The following BUB1 variants were observed in gnomAD, a reference collection of about 807,000 sequenced individuals.
BUB1 encodes BUB1 mitotic checkpoint serine/threonine kinase.
Under a neutral mutation model 135.2 loss-of-function variants are expected in BUB1, and 84 were observed. That is an observed-to-expected ratio of 0.62 (90% CI 0.52 to 0.74). The LOEUF (loss-of-function observed/expected upper bound fraction) is 0.74, where lower values mean the gene tolerates loss of function less well. Among genes scored for constraint, BUB1 ranks in the 30% least tolerant of loss-of-function variants. BUB1 has a pLI of 0.00. For missense variants in BUB1, 1,162 were observed against 1,288.3 expected, an observed-to-expected ratio of 0.90 and a Z score of 1.50; for synonymous variants, 403 against 434.4, an observed-to-expected ratio of 0.93 and a Z score of 0.90.
intron 23 of BUB1, 101 bp from the exon 24 acceptor site, chr2:110,639,949 AT>A: frequency 1.0e-6 from 1 of 984,312 alleles, no homozygotes; most frequent in Non-Finnish European, 1.6e-6. Flanking sequence ...TACTCACAGG[AT>A]TTTACTTTTA....
intron 6 of BUB1, among the ~76,000 whole-genome samples, chr2:110,668,839 T>A (rs1432917063): frequency 6.6e-6 from 1 of 152,202 alleles, no homozygotes. Flanking sequence ...GTTGAAATAG[T>A]ATTTTTGAAG....
In BUB1 at chr2:110,641,814, G is replaced by T; in HGVS notation, c.2464-11C>A. On this transcript the variant is annotated splice_polypyrimidine_tract_variant and intron_variant, in intron 20 of 24. Coordinates refer to ENST00000302759, the MANE Select transcript of BUB1 (RefSeq NM_004336.5). ...GGCAGGCTTTTGGACCTGCAAATCA[G>T]GTATGTGAAATTCATATCCAATCTC... 1 of 1,598,682 alleles carries T rather than the reference G, an allele frequency of 6.3e-7. No individual in the cohort carries two copies. Among genetic ancestry groups the T allele is most frequent in the South Asian group, 1.1e-5 (1 of 89,950 alleles).
At position 110,665,949 on chromosome 2, in the gene BUB1, T is replaced by C. The variant is rs372424728; in HGVS notation, c.957+314A>G. ...AAAAATATATCTAAATGATAAATTA[T>C]TGAGAGTACTATACTCCAATTTTCA... On this transcript the variant is annotated intron_variant, in intron 9 of 24. Coordinates refer to ENST00000302759, the MANE Select transcript of BUB1 (RefSeq NM_004336.5). The C allele has an allele frequency of 4.1e-5, 9 of 218,814 alleles. No individual in the cohort carries two copies. The East Asian group carries it at 6.8e-4, about 16-fold the overall frequency. 13.6% of individuals were successfully genotyped at this position (218,814 alleles called of 1,614,324 possible).
Position 110,650,403 on chromosome 2 carries a change from G to A in BUB1, c.2203+143C>T, listed in dbSNP as rs560957245. ...TATGCTACTGTTACTCCATTGTGAT[G>A]CATTATGCAAGTTTCATCTGAACTC... On this transcript the variant is annotated intron_variant, in intron 18 of 24. Coordinates refer to ENST00000302759, the MANE Select transcript of BUB1 (RefSeq NM_004336.5). 7.3e-6 allele frequency: 5 copies of A among 682,954 alleles called. No homozygotes were observed. In the South Asian group the frequency reaches 7.5e-5, roughly 10 times the overall value. The allele number at this position is 682,954 out of a possible 1,614,324, so 42.3% of individuals were successfully genotyped here. A position where few individuals can be genotyped will look rare whatever the true frequency, so the allele number is the denominator to read the frequency against.
At chr2:110,677,914 G>A in intron 1 of BUB1, 56 bp downstream of exon 1, 3 of 1,576,456 alleles carry the variant, frequency 1.9e-6, no homozygotes, top group East Asian at 2.3e-5. Context: ...GGCCGGGCCC[G>A]AACCCCAGGC....
chr2:110,672,803 T>C lies in BUB1; in HGVS notation c.280A>G (p.Ile94Val), dbSNP rs1375525587. ...QFFEFLYNHG[I>V]GTLSSPLYIA... Reference sequence around the variant, plus strand: ...TACAGAGGGGATGACAGGGTTCCAATCCCATGGTTGTACAGAAACTCAAAA... The same window carrying C: ...TACAGAGGGGATGACAGGGTTCCAACCCCATGGTTGTACAGAAACTCAAAA... Residue 94 changes from isoleucine (I) to valine (V), a missense_variant, in exon 4 of 25, where the codon ATT (isoleucine) becomes GTT (valine). Ile to Val is a conservative substitution (Grantham distance 29). Transcript: ENST00000302759. 6 of 1,613,066 alleles carry C rather than the reference T, an allele frequency of 3.7e-6. No individual in the cohort carries two copies. The highest frequency in any genetic ancestry group is 5.1e-6 in the Non-Finnish European group (6 of 1,179,800).
At chr2:110,644,008 G>T (rs1689572714) in intron 19 of BUB1, among the ~76,000 whole-genome samples, 1 of 103,702 alleles carries the variant, frequency 9.6e-6, no homozygotes, top group South Asian at 3.2e-4. Flanking sequence ...GCAGGGAAAA[G>T]AATCAGTGAG....
rs923740810 is a variant in BUB1 at position 110,645,485 on chromosome 2, T to G, written c.2348-3251A>C. 8.7e-4 allele frequency among the ~76,000 whole-genome samples: 132 copies of G among 151,482 alleles called. 1 individual carries two copies. Among genetic ancestry groups the G allele is most frequent in the Non-Finnish European group, 2.8e-4 (19 of 67,848 alleles). The stretch of plus-strand genomic sequence containing the variant: ...AGGGATAGAAAAAGACATACCATGC[T>G]AACACTAATAAAAGAAAATGTAATA... On this transcript the variant is annotated intron_variant, in intron 19 of 24. Coordinates refer to ENST00000302759, the MANE Select transcript of BUB1 (RefSeq NM_004336.5).
intron 1 of BUB1, among the ~76,000 whole-genome samples, chr2:110,674,566 T>C (rs1417626641): frequency 6.6e-6 from 1 of 152,242 alleles, no homozygotes; most frequent in Non-Finnish European, 1.5e-5. Context: ...TTAAGAAGCA[T>C]TCGCTCAGAC....
intron 18 of BUB1, 43 bp from the exon 19 acceptor site, chr2:110,649,420 G>A: frequency 6.7e-7 from 1 of 1,502,432 alleles, no homozygotes; most frequent in Non-Finnish European, 8.9e-7. Flanking sequence ...AACATGAATT[G>A]AGTACTCAAG....
Position 110,666,286 on chromosome 2 carries a change from G to A in BUB1, c.934C>T (p.Pro312Ser), listed in dbSNP as rs749739614. The A allele has an allele frequency of 4.1e-6, 6 of 1,469,494 alleles. No homozygotes were observed. The highest frequency in any genetic ancestry group is 1.8e-4 in the Middle Eastern group (1 of 5,550). 91.0% of individuals were successfully genotyped at this position (1,469,494 alleles called of 1,614,324 possible). A position where few individuals can be genotyped will look rare whatever the true frequency, so the allele number is the denominator to read the frequency against. ...QVVETSHEDL[P>S]ASQERSEVNP... is the part of the protein sequence containing the mutation. Reference sequence around the variant, plus strand: ...ACCTCGGACCTTTCCTGGGAAGCGGGCAGATCCTCATGGGATGTCTCCACC... The same window carrying A: ...ACCTCGGACCTTTCCTGGGAAGCGGACAGATCCTCATGGGATGTCTCCACC... Residue 312 changes from proline to serine, a missense_variant, in exon 9 of 25, where the codon CCC becomes TCC. By Grantham distance (74) the Pro-to-Ser change is moderately conservative. Transcript: ENST00000302759.
chr2:110,673,986 A>G lies in BUB1; in HGVS notation c.225+100T>C, dbSNP rs939719595. 3.8e-5 allele frequency: 37 copies of G among 981,322 alleles called. No homozygotes were observed. The Admixed American group carries it at 5.0e-4, about 13-fold the overall frequency. 60.8% of individuals were successfully genotyped at this position (981,322 alleles called of 1,614,324 possible). A position where few individuals can be genotyped will look rare whatever the true frequency, so the allele number is the denominator to read the frequency against. On this transcript the variant is annotated intron_variant, in intron 3 of 24. Coordinates refer to ENST00000302759, the MANE Select transcript of BUB1 (RefSeq NM_004336.5). ...TCCTCTCTGTATCTTCAGAACTAGA[A>G]ACAAGGAATTAAAAGCCTAAAATGA...
At position 110,669,500 on chromosome 2, in the gene BUB1, A is replaced by G; in HGVS notation, c.520T>C (p.Ser174Pro). The change falls in exon 6 of 25, where the codon TCA becomes CCA. Residue 174 changes from serine (S) to proline (P), a missense_variant. Physicochemically the swap from Ser to Pro is moderately conservative, Grantham distance 74. Transcript: ENST00000302759. ...ATGTTATTTCCTGGATTTGATTTTG[A>G]TGTTATCATTTGATTTAAAACCTGA... is the stretch of plus-strand genomic sequence containing the variant. ...NVQVLNQMIT[S>P]KSNPGNNMAC... The G allele has an allele frequency of 6.2e-7, 1 of 1,609,338 alleles. No homozygotes were observed. The highest frequency in any genetic ancestry group is 8.5e-7 in the Non-Finnish European group (1 of 1,175,768).
chr2:110,652,882 A>G (rs2104530191), intron 17 of BUB1, among the ~76,000 whole-genome samples: 1 of 152,348 alleles, frequency 6.6e-6, no homozygotes, highest in East Asian at 1.9e-4. Context: ...GAATTCCTGT[A>G]TACTCCTCAC....
At position 110,650,555 on chromosome 2, in the gene BUB1, C is replaced by A. The variant is rs1023062528; in HGVS notation, c.2194G>T (p.Asp732Tyr). Residue 732 changes from aspartate to tyrosine, a missense_variant, in exon 18 of 25, where the codon GAT becomes TAT. Coordinates refer to ENST00000302759, the MANE Select transcript of BUB1 (RefSeq NM_004336.5). ...WMQMSSLGTV[D>Y]APNFIVGNPW... is the part of the protein sequence containing the mutation. ...GAGTGAGTGTTCGTACTTGGAGCATCAACAGTCCCAAGTGAACTCATCTGC... is the reference window on the plus strand; with the variant it reads ...GAGTGAGTGTTCGTACTTGGAGCATAAACAGTCCCAAGTGAACTCATCTGC... The A allele has an allele frequency of 3.1e-6, 5 of 1,613,282 alleles. No homozygotes were observed. Among genetic ancestry groups the A allele is most frequent in the Non-Finnish European group, 4.2e-6 (5 of 1,179,586 alleles).
At position 110,648,496 on chromosome 2, in the gene BUB1, A is replaced by C. The variant is rs28502311; in HGVS notation, c.2347+738T>G. ...ATACATGTCACTGTACTACATTCGT[A>C]AAAAACCCCACAGGATATACAACCC... On this transcript the variant is annotated intron_variant, in intron 19 of 24. Coordinates refer to ENST00000302759, the MANE Select transcript of BUB1 (RefSeq NM_004336.5). The surrounding 1 kb of genome is among the most constrained non-coding windows in gnomAD (Gnocchi z 4.2). 0.14 allele frequency among the ~76,000 whole-genome samples: 21,224 copies of C among 152,142 alleles called. 3,217 individuals are homozygous for C. The highest frequency in any genetic ancestry group is 0.38 in the African/African-American group (15,574 of 41,446).
intron 17 of BUB1, among the ~76,000 whole-genome samples, chr2:110,651,732 T>C (rs769872832): frequency 6.6e-6 from 1 of 152,196 alleles, no homozygotes; most frequent in African/African-American, 2.4e-5. Flanking sequence ...AAGTGCCCTA[T>C]ACAGAACACC....
rs1461557979 is a variant in BUB1, at chr2:110,641,113, C to T, written c.2876G>A (p.Gly959Glu). 5 of 1,613,420 alleles carry T rather than the reference C, an allele frequency of 3.1e-6. No homozygotes were observed. Among genetic ancestry groups the T allele is most frequent in the Non-Finnish European group, 4.2e-6 (5 of 1,179,778 alleles). Residue 959 changes from glycine to glutamate, a missense_variant, in exon 23 of 25, where the codon GGA (glycine) becomes GAA (glutamate). Gly to Glu is a moderately conservative substitution (Grantham distance 98, BLOSUM62 -2). Transcript: ENST00000302759. The part of the protein sequence containing the change: ...QSIDMKLFPK[G>E]TIFTAKCETS... Reference sequence around the variant, plus strand: ...TTCACACTTTGCTGTGAATATAGTTCCTTTTGGAAAAAGTTTCATATCTAT... The same window carrying T: ...TTCACACTTTGCTGTGAATATAGTTTCTTTTGGAAAAAGTTTCATATCTAT...
Position 110,672,865 on chromosome 2 carries a change from A to T in BUB1, c.226-8T>A, listed in dbSNP as rs1690460565. ...GTCACTGTTGTACTCAGCCTACACG[A>T]ACCCAAAACAAAAAGACATAAGAAT... On this transcript the variant is annotated splice_polypyrimidine_tract_variant and splice_region_variant and intron_variant, in intron 3 of 24. Transcript: ENST00000302759. The T allele has an allele frequency of 1.9e-6, 3 of 1,566,044 alleles. No homozygotes were observed. The highest frequency in any genetic ancestry group is 2.6e-6 in the Non-Finnish European group (3 of 1,157,590).
Sources: allele counts gnomAD v4.1 joint callset (sites outside exome capture counted in the v4.1 genomes callset), GRCh38; gene constraint gnomAD v4.1.1; non-coding constraint Gnocchi (gnomAD v3.1); transcripts MANE v1.5; gene names NCBI Gene and HGNC (gene_info 2026-07-23, HGNC 2026-07-21).